RNASEH2A: variants seen among roughly 807,000 people sequenced by gnomAD.
RNASEH2A encodes RNase H(35).
Under a neutral mutation model 32.7 loss-of-function variants are expected in RNASEH2A, and 30 were observed. The ratio of observed to expected loss-of-function variants is 0.92; its 90% confidence interval spans 0.69 to 1.25. The LOEUF (loss-of-function observed/expected upper bound fraction) is 1.25. RNASEH2A is among the 50% of genes most tolerant of loss of function. The pLI is 0.00. For missense variants in RNASEH2A, 409 were observed against 398.1 expected (o/e 1.03, Z -0.23); for synonymous variants, 147 against 165.4 (o/e 0.89, Z 0.86).
intron 4 of RNASEH2A, chr19:12,807,850 T>A: frequency 2.8e-6 from 1 of 355,972 alleles, no homozygotes; most frequent in East Asian, 7.2e-5. Flanking sequence ...GAGAATCGCT[T>A]GAACCCAGGA....
Position 12,810,468 on chromosome 19 carries a change from T to C in RNASEH2A, c.637+64T>C. The C allele has an allele frequency of 3.1e-6, 4 of 1,293,030 alleles. No homozygotes were observed. In the South Asian group the frequency reaches 3.7e-5, roughly 12 times the overall value. 80.1% of individuals were successfully genotyped at this position (1,293,030 alleles called of 1,614,324 possible). A position where few individuals can be genotyped will look rare whatever the true frequency, so the allele number is the denominator to read the frequency against. On this transcript the variant is annotated intron_variant, in intron 6 of 7. Transcript: ENST00000221486. ...GCCAGGGCTGAGCACACTTCTGAGG[T>C]TTTCTTTTTTTCCTTTCTGTCATTT...
Position 12,813,382 on chromosome 19 carries a change from C to T in RNASEH2A, c.816C>T (p.Phe272=), listed in dbSNP as rs2145830480. 6 of 1,614,200 alleles carry T rather than the reference C, an allele frequency of 3.7e-6. No individual in the cohort carries two copies. The highest frequency in any genetic ancestry group is 5.1e-6 in the Non-Finnish European group (6 of 1,180,038). ...QEGLRKITSY[F]LNEGSQARPR... ...GACTCAGGAAGATCACATCCTACTT[C>T]CTCAATGAAGGGTCCCAAGCCCGTC... The change falls in exon 8 of 8, where the codon TTC becomes TTT. Residue 272 remains phenylalanine, a synonymous_variant. Transcript: ENST00000221486.
At chr19:12,807,351 C>T (rs767295012) in intron 3 of RNASEH2A, 22 bp downstream of exon 3, 2 of 1,614,074 alleles carry the variant, frequency 1.2e-6, no homozygotes, top group Admixed American at 1.7e-5. Context: ...CCGGGAGGGG[C>T]AGCCAGCATG....
At position 12,813,225 on chromosome 19, in the gene RNASEH2A, C is replaced by CT. The variant is rs1568388753; in HGVS notation, c.761+20dup. 2 of 1,613,900 alleles carry CT rather than the reference C, an allele frequency of 1.2e-6. No individual in the cohort carries two copies. The highest frequency in any genetic ancestry group is 1.7e-5 in the Admixed American group (1 of 59,948). ...TTATATGGTGGGTGTCATGGATGTC[C>CT]TGGGGGTGCTATAGGGAAGGAAGGA... On this transcript the variant is annotated intron_variant, in intron 7 of 7. Coordinates refer to ENST00000221486, the MANE Select transcript of RNASEH2A (RefSeq NM_006397.3).
chr19:12,812,834 G>A (rs3786713), intron 6 of RNASEH2A, among the ~76,000 whole-genome samples: 2 of 151,900 alleles, frequency 1.3e-5, no homozygotes, highest in African/African-American at 4.8e-5. Context: ...GTGAAACCTC[G>A]TCACTACTAA....
intron 6 of RNASEH2A, 21 bp from the exon 7 acceptor site, chr19:12,813,062 C>G: frequency 1.2e-6 from 2 of 1,613,832 alleles, no homozygotes; most frequent in Non-Finnish European, 1.7e-6. Flanking sequence ...TGGACTGTCA[C>G]CATTGCCCAC....
rs750514569 is a variant in RNASEH2A, at chr19:12,810,122, C to G, written c.463C>G (p.Gln155Glu). ...AGAGACATACCAGGCGCGGCTGCAG[C>G]AAAGTTTTCCCGGGATTGAGGTGAC... ...MPETYQARLQ[Q>E]SFPGIEVTVK... The change falls in exon 5 of 8, where the codon CAA becomes GAA. Residue 155 changes from glutamine (Q) to glutamate (E), a missense_variant. Gln to Glu is a conservative substitution (Grantham distance 29, BLOSUM62 2). Coordinates refer to ENST00000221486, the MANE Select transcript of RNASEH2A (RefSeq NM_006397.3). 1.2e-6 allele frequency: 2 copies of G among 1,614,218 alleles called. No homozygotes were observed. The highest frequency in any genetic ancestry group is 1.7e-6 in the Non-Finnish European group (2 of 1,180,042).
chr19:12,813,297 A>AG, intron 7 of RNASEH2A, 31 bp from the exon 8 acceptor site: 1 of 1,614,106 alleles, frequency 6.2e-7, no homozygotes, highest in Non-Finnish European at 8.5e-7. Flanking sequence ...TCCCTGTGTA[A>AG]GTGGTCACTG....
rs534659137 is a variant in RNASEH2A at position 12,806,614 on chromosome 19, G to A, written c.-60G>A. 9.5e-5 allele frequency: 148 copies of A among 1,550,434 alleles called. No individual in the cohort carries two copies. The African/African-American group carries it at 1.8e-3, about 19-fold the overall frequency. Reference sequence around the variant, plus strand: ...CCGCTTCGAGGCCCGCGGAAAACGCGCGCCGAGACCCGCTCCTGCAGTATT... The same window carrying A: ...CCGCTTCGAGGCCCGCGGAAAACGCACGCCGAGACCCGCTCCTGCAGTATT... On this transcript the variant is annotated 5_prime_UTR_variant, in exon 1 of 8. Transcript: ENST00000221486.
chr19:12,807,059 T>A lies in RNASEH2A; in HGVS notation c.179T>A (p.Leu60Gln). ...TGTCCCCTGCCTCGCCTGGCAGATCTGGAGGCGCTGAAAGTGGCAGGTGAG... is the reference window on the plus strand; with the variant it reads ...TGTCCCCTGCCTCGCCTGGCAGATCAGGAGGCGCTGAAAGTGGCAGGTGAG... Reference protein sequence around the residue: ...CYCPLPRLADLEALKVADSKT... With the variant: ...CYCPLPRLADQEALKVADSKT... The change falls in exon 2 of 8, where the codon CTG becomes CAG. Residue 60 changes from leucine to glutamine, a missense_variant. Physicochemically the swap from Leu to Gln is moderately radical, Grantham distance 113. Transcript: ENST00000221486. 1 of 1,614,140 alleles carries A rather than the reference T, an allele frequency of 6.2e-7. No individual in the cohort carries two copies. Among genetic ancestry groups the A allele is most frequent in the Non-Finnish European group, 8.5e-7 (1 of 1,180,018 alleles).
intron 3 of RNASEH2A, 34 bp from the exon 4 acceptor site, chr19:12,807,369 CAAGCTTTGTTCCTAGA>C: frequency 6.2e-7 from 1 of 1,614,156 alleles, no homozygotes; most frequent in Non-Finnish European, 8.5e-7. Context: ...ATGGGCTGAC[CAAGCTTTGTTCCTAGA>C]ATGAGATTAA....
chr19:12,807,714 C>T (rs1287379342), intron 4 of RNASEH2A: 10 of 596,078 alleles, frequency 1.7e-5, no homozygotes, highest in African/African-American at 3.7e-5. Context: ...GGTAGATCAC[C>T]GGAGGTCAAG....
In RNASEH2A at chr19:12,807,028, T is replaced by A. The variant is rs757096626; in HGVS notation, c.148T>A (p.Cys50Ser). ...PVLGPMVYAI[C>S]YCPLPRLADL... ...CCCAGGCCCCATGGTCTACGCCATC[T>A]GTTATTGTCCCCTGCCTCGCCTGGC... The change falls in exon 2 of 8, where the codon TGT becomes AGT. Residue 50 changes from cysteine (C) to serine (S), a missense_variant. Transcript: ENST00000221486. The A allele has an allele frequency of 3.7e-6, 6 of 1,614,082 alleles. No homozygotes were observed. Among genetic ancestry groups the A allele is most frequent in the Non-Finnish European group, 5.1e-6 (6 of 1,180,010 alleles).
chr19:12,806,641 G>T lies in RNASEH2A; in HGVS notation c.-33G>T. 5 of 1,567,476 alleles carry T rather than the reference G, an allele frequency of 3.2e-6. No individual in the cohort carries two copies. Among genetic ancestry groups the T allele is most frequent in the Non-Finnish European group, 4.3e-6 (5 of 1,156,022 alleles). ...GCCGAGACCCGCTCCTGCAGTATTA[G>T]TTCTTGCAGCTGGTGGTGGCGGCTG... On this transcript the variant is annotated 5_prime_UTR_variant, in exon 1 of 8. Transcript: ENST00000221486.
intron 2 of RNASEH2A, 44 bp from the exon 3 acceptor site, chr19:12,807,162 T>C: frequency 6.2e-7 from 1 of 1,614,092 alleles, no homozygotes; most frequent in South Asian, 1.1e-5. Context: ...GGGCAGGAAC[T>C]GGGAGAACCA....
intron 1 of RNASEH2A, 48 bp downstream of exon 1, chr19:12,806,848 G>A (rs775850491): frequency 3.1e-6 from 5 of 1,593,894 alleles, no homozygotes; most frequent in Non-Finnish European, 4.3e-6. Context: ...CGGAGGATGC[G>A]GGAAACGGGA....
chr19:12,811,171 A>G (rs73503455), intron 6 of RNASEH2A, among the ~76,000 whole-genome samples: 7,719 of 152,158 alleles, frequency 0.051, 694 homozygotes, highest in African/African-American at 0.18. Context: ...CAGTGGTGCC[A>G]TTTGTTTATG....
At chr19:12,813,039 T>C (rs1458207273) in intron 6 of RNASEH2A, 44 bp from the exon 7 acceptor site, 8 of 1,611,696 alleles carry the variant, frequency 5.0e-6, no homozygotes, top group Middle Eastern at 3.4e-4. Flanking sequence ...AGCTTGAATG[T>C]TATGGTGCAA....
At chr19:12,809,010 G>A (rs1044376461) in intron 4 of RNASEH2A, among the ~76,000 whole-genome samples, 2 of 152,088 alleles carry the variant, frequency 1.3e-5, no homozygotes, top group African/African-American at 2.4e-5. Context: ...CAGAGCTGGC[G>A]ATACAGTAAC....
Sources: allele counts gnomAD v4.1 joint callset (sites outside exome capture counted in the v4.1 genomes callset), GRCh38; gene constraint gnomAD v4.1.1; transcripts MANE v1.5; gene names NCBI Gene and HGNC (gene_info 2026-07-23, HGNC 2026-07-21).